TESK2: variants seen among roughly 807,000 people sequenced by gnomAD.
TESK2 encodes testis associated actin remodelling kinase 2.
TESK2 carries 39 observed loss-of-function variants against 57.1 expected under a neutral mutation model. The observed-to-expected ratio is 0.68, with a 90% CI of 0.53 to 0.89. The LOEUF is 0.89. Among genes scored for constraint, TESK2 ranks in the 40% least tolerant of loss-of-function variants. The pLI, the probability that TESK2 is intolerant of heterozygous loss-of-function variation, is 0.00. For missense variants in TESK2, 646 were observed against 732.1 expected (o/e 0.88, Z 1.36); for synonymous variants, 249 against 267.9 (o/e 0.93, Z 0.69).
intron 5 of TESK2, among the ~76,000 whole-genome samples, chr1:45,353,019 C>T (rs137863917): frequency 2.2e-4 from 34 of 152,328 alleles, no homozygotes; most frequent in African/African-American, 7.5e-4. Context: ...CCATCTCAGC[C>T]TCCCGAGTAG....
At chr1:45,468,438 C>T (rs1652640387) in intron 1 of TESK2, among the ~76,000 whole-genome samples, 1 of 152,186 alleles carries the variant, frequency 6.6e-6, no homozygotes, top group Admixed American at 6.6e-5. Flanking sequence ...CTATAAATGG[C>T]TGTCAATTTA....
chr1:45,372,635 G>C (rs566048094), intron 4 of TESK2, among the ~76,000 whole-genome samples: 1 of 151,670 alleles, frequency 6.6e-6, no homozygotes, highest in South Asian at 2.1e-4. Context: ...TCCCTATTAC[G>C]TGGGAGGCTA....
chr1:45,440,724 AAAAC>A (rs201978292), intron 2 of TESK2, among the ~76,000 whole-genome samples: 28 of 148,848 alleles, frequency 1.9e-4, no homozygotes, highest in East Asian at 5.8e-4. Flanking sequence ...TCAAAAAAAA[AAAAC>A]AAACAAACAA....
chr1:45,421,879 C>G, intron 2 of TESK2, 33 bp from the exon 3 acceptor site: 2 of 1,611,850 alleles, frequency 1.2e-6, no homozygotes. Context: ...AAAAGAGGGT[C>G]AAGGGCAATA....
At chr1:45,465,489 G>A (rs966969285) in intron 1 of TESK2, among the ~76,000 whole-genome samples, 6 of 150,674 alleles carry the variant, frequency 4.0e-5, no homozygotes, top group Non-Finnish European at 8.9e-5. Flanking sequence ...AAAAAGGAAA[G>A]GAAGAAGAAA....
intron 4 of TESK2, chr1:45,385,195 T>G (rs1433458231): frequency 4.8e-6 from 1 of 206,714 alleles, no homozygotes; most frequent in Non-Finnish European, 8.5e-6. Flanking sequence ...AAAATATAGA[T>G]GTAATAGGCC....
At chr1:45,371,159 G>A (rs983468555) in intron 4 of TESK2, among the ~76,000 whole-genome samples, 2 of 151,388 alleles carry the variant, frequency 1.3e-5, no homozygotes, top group African/African-American at 4.8e-5. Context: ...TCAATGGATT[G>A]TAAAATGGTG....
At chr1:45,349,688 A>C (rs1404311790) in intron 5 of TESK2, among the ~76,000 whole-genome samples, 1 of 152,136 alleles carries the variant, frequency 6.6e-6, no homozygotes, top group Non-Finnish European at 1.5e-5. Context: ...CTATTATATC[A>C]CACTGCAACA....
intron 3 of TESK2, among the ~76,000 whole-genome samples, chr1:45,403,221 G>T (rs781357300): frequency 2.1e-5 from 3 of 140,780 alleles, no homozygotes; most frequent in Non-Finnish European, 4.5e-5. Flanking sequence ...AGACTACAGT[G>T]AGCCGTGATG....
chr1:45,481,902 G>A (rs1653242225), intron 1 of TESK2, among the ~76,000 whole-genome samples: 1 of 152,102 alleles, frequency 6.6e-6, no homozygotes, highest in South Asian at 2.1e-4. Flanking sequence ...GTAAACAAAT[G>A]GAAAGGTGCA....
intron 2 of TESK2, among the ~76,000 whole-genome samples, chr1:45,432,758 CTTTT>C (rs1300292630): frequency 9.1e-5 from 8 of 87,636 alleles, no homozygotes; most frequent in South Asian, 4.7e-4. Context: ...AATATTATAA[CTTTT>C]TTTTTTTTTT....
At chr1:45,352,764 G>A (rs1647267963) in intron 5 of TESK2, among the ~76,000 whole-genome samples, 1 of 152,044 alleles carries the variant, frequency 6.6e-6, no homozygotes, top group African/African-American at 2.4e-5. Flanking sequence ...GAGTATCTGT[G>A]TAACTGATAC....
rs1329676838 is a variant in TESK2 at position 45,482,387 on chromosome 1, G to T, written c.-87+8465C>A. On this transcript the variant is annotated intron_variant, in intron 1 of 10. Transcript: ENST00000372086. ...TACAAAAAAATAAAAACTTATCCTGGAGTGGTGGCACACACCTGTAGTCCC... is the reference window on the plus strand; with the variant it reads ...TACAAAAAAATAAAAACTTATCCTGTAGTGGTGGCACACACCTGTAGTCCC... Among the ~76,000 whole-genome samples the T allele has an allele frequency of 2.6e-5, 4 of 151,894 alleles. No individual in the cohort carries two copies. The East Asian group carries it at 7.7e-4, about 29-fold the overall frequency.
At chr1:45,434,449 A>C (rs1323028194) in intron 2 of TESK2, among the ~76,000 whole-genome samples, 5 of 107,214 alleles carry the variant, frequency 4.7e-5, no homozygotes, top group Non-Finnish European at 1.0e-4. Context: ...GCACCACTAC[A>C]TCCAGCTATT....
intron 2 of TESK2, among the ~76,000 whole-genome samples, chr1:45,456,648 AAG>A (rs1557580914): frequency 6.6e-6 from 1 of 152,196 alleles, no homozygotes; most frequent in African/African-American, 2.4e-5. Context: ...CAATGTAGAA[AAG>A]AGAGGGGAGA....
chr1:45,422,109 G>A (rs114463613), intron 2 of TESK2, among the ~76,000 whole-genome samples: 116 of 152,264 alleles, frequency 7.6e-4, no homozygotes, highest in African/African-American at 2.7e-3. Context: ...GGAATACTAT[G>A]CAGTCATAAA....
chr1:45,439,982 C>CA (rs1362137173), intron 2 of TESK2, among the ~76,000 whole-genome samples: 1 of 148,886 alleles, frequency 6.7e-6, no homozygotes, highest in Non-Finnish European at 1.5e-5. Flanking sequence ...TTTTTTGAGA[C>CA]AGAGTATCGC....
chr1:45,446,216 C>G (rs1651644138), intron 2 of TESK2, among the ~76,000 whole-genome samples: 1 of 149,240 alleles, frequency 6.7e-6, no homozygotes, highest in Non-Finnish European at 1.5e-5. Flanking sequence ...CAGGATAGCT[C>G]AAGATATCCA....
intron 1 of TESK2, among the ~76,000 whole-genome samples, chr1:45,477,873 T>A (rs978669177): frequency 6.6e-5 from 10 of 152,202 alleles, no homozygotes; most frequent in African/African-American, 2.4e-4. Flanking sequence ...TGATGTAGTG[T>A]TGACTTTCTG....
Sources: gnomAD v4.1 joint callset for allele counts (sites outside exome capture counted in the v4.1 genomes callset) on GRCh38, gnomAD v4.1.1 for gene constraint, MANE v1.5 for transcripts, NCBI Gene and HGNC (gene_info 2026-07-23, HGNC 2026-07-21) for gene names.